The following MPDZ variants were observed in gnomAD, a reference collection of about 807,000 sequenced individuals.
The protein encoded by MPDZ is multiple PDZ domain protein.
Under a neutral mutation model 239.1 loss-of-function variants are expected in MPDZ, and 234 were observed. The observed-to-expected ratio is 0.98, with a 90% confidence interval of 0.88 to 1.09. The LOEUF is 1.09. MPDZ is among the 50% of genes least tolerant of loss of function. MPDZ has a pLI of 0.00. For synonymous variants in MPDZ, 1,048 were observed against 881.3 expected, an observed-to-expected ratio of 1.19 and a Z score of -3.35; for missense variants, 3,175 against 2,510.0, an observed-to-expected ratio of 1.26 and a Z score of -5.66.
At chr9:13,134,300 T>C (rs1946429116) in intron 31 of MPDZ, 1 of 152,380 alleles carries the variant, frequency 6.6e-6, no homozygotes, top group African/African-American at 2.4e-5. Flanking sequence ...TTCTTTACTG[T>C]GTTATTTATC....
chr9:13,122,465 T>G (rs1944495336), intron 36 of MPDZ, among the ~76,000 whole-genome samples: 1 of 152,072 alleles, frequency 6.6e-6, no homozygotes. Flanking sequence ...TGAAATCACT[T>G]TTAAGGTATT....
chr9:13,109,203 G>A, intron 45 of MPDZ, 144 bp from the exon 46 acceptor site: 1 of 638,720 alleles, frequency 1.6e-6, no homozygotes, highest in Non-Finnish European at 2.2e-6. Context: ...TTTTTGAGAT[G>A]CTTAAATTGT....
chr9:13,214,303 T>C lies in MPDZ; in HGVS notation c.1290+2471A>G, dbSNP rs367823824. ...TGAAACTTGAAAGCATTATGCTAAG[T>C]GAAAGGAGTCAGTCACAAAGAACCA... On this transcript the variant is annotated intron_variant, in intron 10 of 46. Coordinates refer to ENST00000319217, the MANE Select transcript of MPDZ (RefSeq NM_001378778.1). Among the ~76,000 whole-genome samples, 19 of 151,960 alleles carry C rather than the reference T, an allele frequency of 1.3e-4. No homozygotes were observed. In the East Asian group the frequency reaches 2.1e-3, roughly 17 times the overall value.
At chr9:13,244,909 T>TA (rs1234527106) in intron 3 of MPDZ, among the ~76,000 whole-genome samples, 8 of 151,846 alleles carry the variant, frequency 5.3e-5, no homozygotes, top group East Asian at 1.9e-4. Context: ...CCTTTACTTC[T>TA]AAAAAAAACA....
chr9:13,262,233 C>A (rs1352063007), intron 1 of MPDZ, among the ~76,000 whole-genome samples: 1 of 151,844 alleles, frequency 6.6e-6, no homozygotes, highest in Non-Finnish European at 1.5e-5. Flanking sequence ...GAGGGCAAGA[C>A]TGGTGGATCG....
At chr9:13,147,285 T>G (rs185276803) in intron 26 of MPDZ, among the ~76,000 whole-genome samples, 1 of 152,140 alleles carries the variant, frequency 6.6e-6, no homozygotes, top group African/African-American at 2.4e-5. Flanking sequence ...TGAATACTAA[T>G]AATTAACCAT....
chr9:13,274,755 C>T (rs1471559405), intron 1 of MPDZ: 1 of 151,650 alleles, frequency 6.6e-6, no homozygotes, highest in Non-Finnish European at 1.5e-5. Context: ...ATAAGACAGA[C>T]AGTTTTTAGA....
At chr9:13,239,190 C>T (rs1191689687) in intron 3 of MPDZ, among the ~76,000 whole-genome samples, 1 of 152,102 alleles carries the variant, frequency 6.6e-6, no homozygotes, top group Non-Finnish European at 1.5e-5. Context: ...GACCACGCTG[C>T]CACAATCTGA....
chr9:13,121,644 A>C (rs1944365871), intron 38 of MPDZ, 95 bp downstream of exon 38: 2 of 1,294,970 alleles, frequency 1.5e-6, no homozygotes, highest in Non-Finnish European at 2.2e-6. Context: ...AACACTAGCC[A>C]CTGATAAAAG....
chr9:13,188,512 CATCA>C (rs555300354), intron 17 of MPDZ, among the ~76,000 whole-genome samples: 7 of 151,816 alleles, frequency 4.6e-5, no homozygotes, highest in Non-Finnish European at 8.8e-5. Context: ...AGCAAGGCTC[CATCA>C]ATCAATCAAT....
intron 7 of MPDZ, among the ~76,000 whole-genome samples, chr9:13,220,169 C>G (rs900450450): frequency 6.6e-6 from 1 of 151,946 alleles, no homozygotes; most frequent in Non-Finnish European, 1.5e-5. Flanking sequence ...GTATAAACCA[C>G]AAGAAAGCAT....
At chr9:13,153,027 G>A (rs1422002365) in intron 24 of MPDZ, among the ~76,000 whole-genome samples, 1 of 152,092 alleles carries the variant, frequency 6.6e-6, no homozygotes. Context: ...CTGCACAAAG[G>A]AAGACAATGT....
chr9:13,210,777 G>A (rs1203664415), intron 10 of MPDZ, among the ~76,000 whole-genome samples: 1 of 152,100 alleles, frequency 6.6e-6, no homozygotes, highest in Non-Finnish European at 1.5e-5. Flanking sequence ...GTGGGAAGAA[G>A]AGTCAGCTAC....
At chr9:13,241,849 T>C (rs1316366950) in intron 3 of MPDZ, among the ~76,000 whole-genome samples, 1 of 152,180 alleles carries the variant, frequency 6.6e-6, no homozygotes, top group Non-Finnish European at 1.5e-5. Context: ...ATCTACAGAA[T>C]AAAGACTCCT....
intron 21 of MPDZ, among the ~76,000 whole-genome samples, chr9:13,172,465 C>T (rs1010401319): frequency 6.6e-6 from 1 of 151,220 alleles, no homozygotes; most frequent in African/African-American, 2.4e-5. Context: ...TCACTGCAAC[C>T]TCCACCTCCC....
intron 19 of MPDZ, among the ~76,000 whole-genome samples, chr9:13,180,415 T>C (rs1017258743): frequency 3.3e-5 from 5 of 152,064 alleles, no homozygotes; most frequent in Admixed American, 1.3e-4. Context: ...TTGGTAACAA[T>C]ATCATCACCG....
intron 28 of MPDZ, 70 bp downstream of exon 28, chr9:13,139,917 A>G (rs1947385152): frequency 6.3e-7 from 1 of 1,584,372 alleles, no homozygotes; most frequent in African/African-American, 1.3e-5. Flanking sequence ...ATCCAGGGCG[A>G]AATCCTTGAG....
intron 41 of MPDZ, among the ~76,000 whole-genome samples, chr9:13,113,416 A>G (rs1942839721): frequency 6.6e-6 from 1 of 152,200 alleles, no homozygotes; most frequent in Non-Finnish European, 1.5e-5. Flanking sequence ...TTAAGTGCCT[A>G]AATTTCTAGA....
intron 22 of MPDZ, among the ~76,000 whole-genome samples, chr9:13,164,570 G>C (rs1490276359): frequency 1.3e-5 from 2 of 152,064 alleles, no homozygotes; most frequent in Non-Finnish European, 2.9e-5. Context: ...TCAGTACGAA[G>C]TCTTTAATTT....
Sources: allele counts gnomAD v4.1 joint callset (sites outside exome capture counted in the v4.1 genomes callset), GRCh38; gene constraint gnomAD v4.1.1; transcripts MANE v1.5; gene names NCBI Gene and HGNC (gene_info 2026-07-23, HGNC 2026-07-21).